PRELID2: variants seen among roughly 807,000 people sequenced by gnomAD.
PRELID2 encodes the protein PRELI domain-containing protein 2.
In PRELID2, 25 loss-of-function variants were observed where a neutral mutation model predicts 28.4. The observed-to-expected ratio is 0.88, with a 90% confidence interval of 0.64 to 1.23. The LOEUF (loss-of-function observed/expected upper bound fraction) is 1.23, where lower values mean the gene tolerates loss of function less well. PRELID2 is among the 50% of genes most tolerant of loss of function. The probability of loss-of-function intolerance (pLI) is 0.00; values close to 1 mark genes in which losing one functional copy is unlikely to be tolerated. For missense variants in PRELID2, 201 were observed against 214.4 expected (o/e 0.94, Z 0.39); for synonymous variants, 76 against 71.6 (o/e 1.06, Z -0.31).
chr5:145,242,481 T>A, the PRELID2 span, among the ~76,000 whole-genome samples: 66 of 152,120 alleles, frequency 4.3e-4, no homozygotes, highest in East Asian at 0.011. Context: ...TTCAGAGATA[T>A]TAAAGGGTCT....
intron 1 of PRELID2, among the ~76,000 whole-genome samples, chr5:145,534,058 C>A (rs912910175): frequency 1.3e-5 from 2 of 151,986 alleles, no homozygotes; most frequent in African/African-American, 4.8e-5. Flanking sequence ...TATTTCCCTT[C>A]TAATAGATAA....
At chr5:145,705,805 T>C (rs1755531215) in intron 1 of PRELID2, among the ~76,000 whole-genome samples, 1 of 152,146 alleles carries the variant, frequency 6.6e-6, no homozygotes, top group Admixed American at 6.6e-5. Context: ...CATTGAAATG[T>C]GAATTTCATA....
At chr5:145,406,271 G>C in the PRELID2 span, among the ~76,000 whole-genome samples, 1 of 152,164 alleles carries the variant, frequency 6.6e-6, no homozygotes, top group Non-Finnish European at 1.5e-5. Flanking sequence ...TTTGCAATTT[G>C]TCAGAGTACC....
chr5:145,665,538 T>C (rs1013392106), intron 1 of PRELID2, among the ~76,000 whole-genome samples: 8 of 152,128 alleles, frequency 5.3e-5, no homozygotes, highest in African/African-American at 1.9e-4. Flanking sequence ...AACACTCATA[T>C]CTAATCACAT....
intron 1 of PRELID2, among the ~76,000 whole-genome samples, chr5:145,616,223 A>T (rs1454113939): frequency 6.6e-6 from 1 of 152,154 alleles, no homozygotes; most frequent in East Asian, 1.9e-4. Flanking sequence ...TGCCTAGGTG[A>T]TGATCTTTTT....
intron 1 of PRELID2, among the ~76,000 whole-genome samples, chr5:145,640,466 A>G (rs1212946577): frequency 9.7e-6 from 1 of 103,390 alleles, no homozygotes; most frequent in African/African-American, 4.0e-5. Flanking sequence ...ACAGAGCGAG[A>G]CTCCGTCTCA....
chr5:145,421,201 T>G, the PRELID2 span, among the ~76,000 whole-genome samples: 41 of 150,332 alleles, frequency 2.7e-4, no homozygotes, highest in African/African-American at 4.9e-4. Context: ...TCTCTTTTTT[T>G]GTTGTGTCTC....
intron 4 of PRELID2, among the ~76,000 whole-genome samples, chr5:145,814,039 G>A (rs1025746572): frequency 3.9e-5 from 6 of 152,124 alleles, no homozygotes; most frequent in African/African-American, 1.4e-4. Context: ...ATATCTCCAG[G>A]TATGATTAAT....
At chr5:145,443,454 G>A in the PRELID2 span, among the ~76,000 whole-genome samples, 5 of 152,010 alleles carry the variant, frequency 3.3e-5, no homozygotes, top group African/African-American at 4.8e-5. Flanking sequence ...ATGATAGAAC[G>A]CTCAATTGGC....
chr5:145,230,314 C>A, the PRELID2 span, among the ~76,000 whole-genome samples: 1 of 152,146 alleles, frequency 6.6e-6, no homozygotes, highest in African/African-American at 2.4e-5. Context: ...TGGCTCACAC[C>A]TGTAATCCCA....
chr5:145,707,067 G>A (rs1234034213), intron 1 of PRELID2, among the ~76,000 whole-genome samples: 7 of 152,204 alleles, frequency 4.6e-5, no homozygotes. Flanking sequence ...AAATGAGGAC[G>A]TGAAAAAATT....
At chr5:145,284,246 A>G in the PRELID2 span, among the ~76,000 whole-genome samples, 1 of 152,226 alleles carries the variant, frequency 6.6e-6, no homozygotes. Context: ...TTATGAATAC[A>G]AAGTTCTGTA....
At chr5:145,784,001 C>T (rs1252634710) in intron 5 of PRELID2, among the ~76,000 whole-genome samples, 1 of 152,008 alleles carries the variant, frequency 6.6e-6, no homozygotes, top group Non-Finnish European at 1.5e-5. Flanking sequence ...TGGAGGGGGG[C>T]TGGGGCATGG....
intron 1 of PRELID2, among the ~76,000 whole-genome samples, chr5:145,546,293 T>C (rs1752787462): frequency 6.6e-6 from 1 of 152,184 alleles, no homozygotes; most frequent in Admixed American, 6.6e-5. Context: ...ATCATTTTAA[T>C]ACTCAATATC....
At chr5:145,344,214 T>C in the PRELID2 span, among the ~76,000 whole-genome samples, 2 of 152,024 alleles carry the variant, frequency 1.3e-5, no homozygotes, top group East Asian at 1.9e-4. Context: ...CAACAAATTA[T>C]AGGCCAATAT....
intron 1 of PRELID2, among the ~76,000 whole-genome samples, chr5:145,601,125 C>T (rs943335923): frequency 2.6e-5 from 4 of 151,840 alleles, no homozygotes; most frequent in Non-Finnish European, 5.9e-5. Context: ...CACTATACTC[C>T]GGCTGTGATG....
At chr5:145,424,269 T>G in the PRELID2 span, among the ~76,000 whole-genome samples, 1 of 152,178 alleles carries the variant, frequency 6.6e-6, no homozygotes, top group Non-Finnish European at 1.5e-5. Context: ...TCCACCCAGT[T>G]CGAGCTTCCC....
the PRELID2 span, among the ~76,000 whole-genome samples, chr5:145,301,949 T>TTTTTTTTG: frequency 1.5e-5 from 2 of 136,858 alleles, no homozygotes; most frequent in Non-Finnish European, 1.6e-5. Flanking sequence ...TTTTTTTTTT[T>TTTTTTTTG]GCTAACTCTG....
the PRELID2 span, among the ~76,000 whole-genome samples, chr5:145,303,466 T>G: frequency 2.0e-5 from 3 of 152,174 alleles, no homozygotes; most frequent in African/African-American, 7.2e-5. Context: ...TTTTAAGCTC[T>G]TATAGAGAAC....
Sources: gnomAD v4.1 joint callset for allele counts (sites outside exome capture counted in the v4.1 genomes callset) on GRCh38, gnomAD v4.1.1 for gene constraint, MANE v1.5 for transcripts, NCBI Gene and HGNC (gene_info 2026-07-23, HGNC 2026-07-21) for gene names.